Variants in RP1 observed in about 807,000 individuals in gnomAD.
RP1 encodes RP1 axonemal microtubule associated, also known as oxygen-regulated protein 1.
RP1 carries 16 observed loss-of-function variants against 14.8 expected under a neutral mutation model. That is an observed-to-expected ratio of 1.08 (90% CI 0.73 to 1.65). The LOEUF (loss-of-function observed/expected upper bound fraction) is 1.65, where lower values mean the gene tolerates loss of function less well. Ranked by LOEUF, RP1 falls within the 40% of genes most tolerant of loss-of-function variation. The probability of loss-of-function intolerance (pLI) is 0.00; values close to 1 mark genes in which losing one functional copy is unlikely to be tolerated. For missense variants in RP1, 2,631 were observed against 2,535.0 expected, an observed-to-expected ratio of 1.04 and a Z score of -0.81; for synonymous variants, 876 against 883.6, an observed-to-expected ratio of 0.99 and a Z score of 0.15.
At chr8:54,783,623 C>T (rs1810243447) in exon 24 of RP1, 3 of 1,231,272 alleles carry the variant, frequency 2.4e-6, no homozygotes, top group African/African-American at 3.1e-5. Flanking sequence ...TCCTTTATGT[C>T]TATGGAGAAA....
intron 5 of RP1, among the ~76,000 whole-genome samples, chr8:54,654,798 C>T (rs1266647118): frequency 6.6e-6 from 1 of 152,110 alleles, no homozygotes; most frequent in Non-Finnish European, 1.5e-5. Context: ...TAGGCATGCA[C>T]CACCACACCT....
intron 17 of RP1, among the ~76,000 whole-genome samples, chr8:54,727,139 TG>T (rs1157984554): frequency 6.6e-6 from 1 of 152,084 alleles, no homozygotes; most frequent in Non-Finnish European, 1.5e-5. Flanking sequence ...AATTAGTTAT[TG>T]GGTATGCTAG....
chr8:54,587,302 T>G (rs1375248063), intron 1 of RP1, among the ~76,000 whole-genome samples: 8 of 152,180 alleles, frequency 5.3e-5, no homozygotes, highest in African/African-American at 1.7e-4. Context: ...GGTGGGCACC[T>G]GTAATCCCAG....
chr8:54,799,918 T>C (rs1431690651), intron 24 of RP1, among the ~76,000 whole-genome samples: 1 of 152,144 alleles, frequency 6.6e-6, no homozygotes, highest in African/African-American at 2.4e-5. Context: ...ATTTTACTTT[T>C]ATTCCATTTA....
intron 1 of RP1, among the ~76,000 whole-genome samples, chr8:54,565,247 A>C (rs1804376828): frequency 6.6e-6 from 1 of 151,620 alleles, no homozygotes; most frequent in Admixed American, 6.6e-5. Context: ...TGGGCCAGCC[A>C]TGGAGGTGAA....
At chr8:54,615,709 T>C (rs1805700286), upstream of RP1, among the ~76,000 whole-genome samples, 1 of 152,226 alleles carries the variant, frequency 6.6e-6, no homozygotes, top group Admixed American at 6.5e-5. Flanking sequence ...GCCTAGATCT[T>C]TATTTTTAAA....
At chr8:54,763,999 G>C (rs1399607308) in intron 22 of RP1, among the ~76,000 whole-genome samples, 6 of 152,132 alleles carry the variant, frequency 3.9e-5, no homozygotes, top group Non-Finnish European at 8.8e-5. Context: ...ACTATGGCTA[G>C]AATAGACTAT....
intron 27 of RP1, among the ~76,000 whole-genome samples, chr8:54,865,589 A>AT (rs964687948): frequency 3.1e-4 from 47 of 151,636 alleles, no homozygotes; most frequent in African/African-American, 5.3e-4. Context: ...TTTTTAAATA[A>AT]TTTTTTTTTA....
chr8:54,843,669 G>T (rs959785057), intron 25 of RP1, among the ~76,000 whole-genome samples: 2 of 152,130 alleles, frequency 1.3e-5, no homozygotes, highest in African/African-American at 4.8e-5. Flanking sequence ...TAAATCAAAG[G>T]GAAGCTTCAG....
chr8:54,629,576 T>C lies in RP1; in HGVS notation c.5694T>C (p.His1898=), dbSNP rs781747495. The C allele has an allele frequency of 6.2e-7, 1 of 1,614,060 alleles. No homozygotes were observed. Among genetic ancestry groups the C allele is most frequent in the Non-Finnish European group, 8.5e-7 (1 of 1,180,006 alleles). ...CATTGCCTGGCAGTAATATGATTCATGGTACACTTCAGGAAGCTGACTCTT... is the reference window on the plus strand; with the variant it reads ...CATTGCCTGGCAGTAATATGATTCACGGTACACTTCAGGAAGCTGACTCTT... ...NQPLPGSNMI[H]GTLQEADSLD... The change falls in exon 4 of 4, where the codon CAT becomes CAC. Residue 1898 remains histidine (H), a synonymous_variant. Coordinates refer to ENST00000220676, the MANE Select transcript of RP1 (RefSeq NM_006269.2).
chr8:54,701,671 G>T, intron 14 of RP1: 1 of 1,533,566 alleles, frequency 6.5e-7, no homozygotes, highest in Non-Finnish European at 8.7e-7. Context: ...AGGTAAAATG[G>T]AGAAAGTTAT....
chr8:54,778,024 G>T (rs1220597701), intron 23 of RP1, among the ~76,000 whole-genome samples: 1 of 152,128 alleles, frequency 6.6e-6, no homozygotes, highest in Non-Finnish European at 1.5e-5. Context: ...TCCTCATACA[G>T]GTAGCCATGC....
At chr8:54,849,875 G>A (rs3735981) in intron 25 of RP1, among the ~76,000 whole-genome samples, 3,008 of 152,268 alleles carry the variant, frequency 0.02, 191 homozygotes, top group East Asian at 0.17. Flanking sequence ...AAATAAAGAT[G>A]AGAGTGTTGA....
At chr8:54,771,752 T>C (rs977413550), downstream of RP1, among the ~76,000 whole-genome samples, 8 of 152,106 alleles carry the variant, frequency 5.3e-5, no homozygotes, top group Non-Finnish European at 2.9e-5. Flanking sequence ...GATATGATTC[T>C]GGAAATACAT....
intron 1 of RP1, among the ~76,000 whole-genome samples, chr8:54,586,717 G>A (rs566061801): frequency 4.2e-4 from 64 of 152,212 alleles, no homozygotes; most frequent in African/African-American, 1.4e-3. Flanking sequence ...CCCCAGCCTC[G>A]CTGCCACCTT....
chr8:54,834,123 C>T (rs1462041682), intron 24 of RP1, among the ~76,000 whole-genome samples: 2 of 151,886 alleles, frequency 1.3e-5, no homozygotes, highest in Non-Finnish European at 2.9e-5. Flanking sequence ...AGACTAAAGA[C>T]GTAAGACTGA....
rs115110759 is a variant in RP1 at position 54,858,728 on chromosome 8, C to T, written c.4069+1622C>T. ...GTGGTGTCACTGTGGAGCAGTGTCA[C>T]TGTACAGCAGTGCCACTGTACAGCA... On this transcript the variant is annotated intron_variant, in intron 27 of 28. Transcript: ENST00000637698. 7.9e-3 allele frequency among the ~76,000 whole-genome samples: 1,205 copies of T among 151,860 alleles called. 19 individuals are homozygous for T. The highest frequency in any genetic ancestry group is 0.028 in the African/African-American group (1,149 of 41,402).
chr8:54,739,383 G>T (rs1809013161), intron 19 of RP1, among the ~76,000 whole-genome samples: 1 of 152,074 alleles, frequency 6.6e-6, no homozygotes, highest in Non-Finnish European at 1.5e-5. Flanking sequence ...ATAACCTCAA[G>T]AAATTGTAAG....
chr8:54,779,518 G>C (rs1014714816), intron 23 of RP1, among the ~76,000 whole-genome samples: 2 of 152,210 alleles, frequency 1.3e-5, no homozygotes, highest in Non-Finnish European at 2.9e-5. Flanking sequence ...TTCAAAAACA[G>C]GGTTAATTTT....
Sources: allele counts gnomAD v4.1 joint callset (sites outside exome capture counted in the v4.1 genomes callset), GRCh38; gene constraint gnomAD v4.1.1; transcripts MANE v1.5; gene names NCBI Gene and HGNC (gene_info 2026-07-23, HGNC 2026-07-21).